The following GRIP2 variants were observed in gnomAD, a reference collection of about 807,000 sequenced individuals.
The protein encoded by GRIP2 is glutamate receptor interacting protein 2.
In GRIP2, 58 loss-of-function variants were observed where a neutral mutation model predicts 108.3. The observed-to-expected ratio is 0.54, with a 90% confidence interval of 0.43 to 0.67. The LOEUF (loss-of-function observed/expected upper bound fraction) is 0.67. Ranked by LOEUF, GRIP2 falls within the 30% of genes least tolerant of loss-of-function variation. The pLI is 0.00. For synonymous variants in GRIP2, 586 were observed against 598.2 expected, an observed-to-expected ratio of 0.98 and a Z score of 0.30; for missense variants, 1,278 against 1,430.6, an observed-to-expected ratio of 0.89 and a Z score of 1.72.
chr3:14,495,457 A>G (rs1693567857), intron 22 of GRIP2, among the ~76,000 whole-genome samples: 1 of 152,048 alleles, frequency 6.6e-6, no homozygotes, highest in Non-Finnish European at 1.5e-5. Flanking sequence ...CCCAGGCTGG[A>G]GTGCAACGGC....
chr3:14,574,857 T>A, the GRIP2 span: 1 of 309,944 alleles, frequency 3.2e-6, no homozygotes. Context: ...CGGATGAATA[T>A]CAAAAACATC....
chr3:14,496,790 C>T (rs1425166108), intron 21 of GRIP2, among the ~76,000 whole-genome samples: 1 of 152,202 alleles, frequency 6.6e-6, no homozygotes, highest in Non-Finnish European at 1.5e-5. Context: ...TCGTGCCGAC[C>T]CAGGGCTAAG....
chr3:14,536,379 A>G (rs1694833761), intron 1 of GRIP2, among the ~76,000 whole-genome samples: 3 of 152,088 alleles, frequency 2.0e-5, no homozygotes, highest in Admixed American at 1.3e-4. Context: ...CTGACCTCAC[A>G]ACAGACCATG....
At chr3:14,499,865 G>A (rs1423644742) in intron 21 of GRIP2, among the ~76,000 whole-genome samples, 1 of 152,136 alleles carries the variant, frequency 6.6e-6, no homozygotes, top group South Asian at 2.1e-4. Context: ...ATACACTAAC[G>A]TTAACAATAG....
Position 14,520,286 on chromosome 3 carries a change from A to C in GRIP2, c.861-7T>G, listed in dbSNP as rs1694368265. The C allele has an allele frequency of 1.2e-6, 2 of 1,612,752 alleles. No individual in the cohort carries two copies. The highest frequency in any genetic ancestry group is 1.7e-6 in the Non-Finnish European group (2 of 1,179,024). ...AGGGTGCAGGGCTCCGCTCCTGGCCAGGCAGGGGAGTGAAGGCGGAGGCTG... is the reference window on the plus strand; with the variant it reads ...AGGGTGCAGGGCTCCGCTCCTGGCCCGGCAGGGGAGTGAAGGCGGAGGCTG... On this transcript the variant is annotated splice_polypyrimidine_tract_variant and splice_region_variant and intron_variant, in intron 8 of 23. Transcript: ENST00000621039.
At chr3:14,573,390 TG>T in the GRIP2 span, 1 of 1,322,836 alleles carries the variant, frequency 7.6e-7, no homozygotes, top group Admixed American at 1.7e-5. Flanking sequence ...GATGGTCATC[TG>T]GAAGCAGATG....
chr3:14,602,385 T>A, the GRIP2 span: 2 of 151,662 alleles, frequency 1.3e-5, no homozygotes, highest in African/African-American at 2.4e-5. The surrounding 1 kb of genome is among the most constrained non-coding windows in gnomAD (Gnocchi z 4.7). Context: ...CAACTTTGAG[T>A]AACCGCGGAC....
the GRIP2 span, among the ~76,000 whole-genome samples, chr3:14,580,236 A>G: frequency 7.2e-5 from 11 of 152,126 alleles, no homozygotes; most frequent in Non-Finnish European, 1.6e-4. Context: ...GTGGCCCCAG[A>G]AGGTTCTCCT....
intron 10 of GRIP2, 75 bp from the exon 11 acceptor site, chr3:14,517,288 G>A: frequency 7.0e-7 from 1 of 1,429,132 alleles, no homozygotes; most frequent in Non-Finnish European, 9.3e-7. Context: ...GTGCTGGGAA[G>A]CCACCCAACC....
At chr3:14,539,585 G>A (rs1694912025) in intron 1 of GRIP2, among the ~76,000 whole-genome samples, 1 of 152,224 alleles carries the variant, frequency 6.6e-6, no homozygotes, top group African/African-American at 2.4e-5. Context: ...CCCCAGGGCA[G>A]TGAATGCAGT....
chr3:14,501,971 C>T (rs1009860464), intron 21 of GRIP2, among the ~76,000 whole-genome samples: 7 of 151,490 alleles, frequency 4.6e-5, no homozygotes, highest in Non-Finnish European at 8.8e-5. Flanking sequence ...GAAAGATGGA[C>T]GATCAGAAGA....
At chr3:14,590,665 G>A in the GRIP2 span, among the ~76,000 whole-genome samples, 1 of 152,190 alleles carries the variant, frequency 6.6e-6, no homozygotes, top group Non-Finnish European at 1.5e-5. Context: ...TTCTGAAGAT[G>A]TCACTCTTGC....
At chr3:14,571,961 G>A in the GRIP2 span, among the ~76,000 whole-genome samples, 2 of 152,220 alleles carry the variant, frequency 1.3e-5, no homozygotes, top group Non-Finnish European at 2.9e-5. Context: ...TGGTGGTGAT[G>A]TAAAGTGGTA....
At chr3:14,515,828 G>A (rs924678629) in intron 11 of GRIP2, among the ~76,000 whole-genome samples, 2 of 151,658 alleles carry the variant, frequency 1.3e-5, no homozygotes, top group African/African-American at 2.4e-5. Flanking sequence ...ATGGAGTTTC[G>A]CCATGTTGGT....
rs1162280083 is a variant in GRIP2, at chr3:14,534,467, T to A, written c.40+5802A>T. Among the ~76,000 whole-genome samples, 6 of 152,288 alleles carry A rather than the reference T, an allele frequency of 3.9e-5. No homozygotes were observed. The East Asian group carries it at 9.7e-4, about 24-fold the overall frequency. On this transcript the variant is annotated intron_variant, in intron 1 of 23. Transcript: ENST00000621039. ...TAGAGATGAAGGCTTTTCAAAAACA[T>A]CTTTCCCACCAATTTTCAGCTGGAA...
chr3:14,575,579 A>T, the GRIP2 span, among the ~76,000 whole-genome samples: 15 of 152,206 alleles, frequency 9.9e-5, no homozygotes, highest in Non-Finnish European at 2.1e-4. Flanking sequence ...TATTCGCTTT[A>T]ATAGGCACAT....
intron 21 of GRIP2, 76 bp from the exon 22 acceptor site, chr3:14,496,636 C>T (rs961203726): frequency 2.6e-6 from 4 of 1,518,484 alleles, no homozygotes; most frequent in Non-Finnish European, 3.5e-6. Flanking sequence ...CTGACAACTA[C>T]TATGTGCCAG....
intron 3 of GRIP2, among the ~76,000 whole-genome samples, chr3:14,525,027 G>A (rs940125405): frequency 1.3e-5 from 2 of 152,214 alleles, no homozygotes; most frequent in South Asian, 2.1e-4. Flanking sequence ...GGGGCTTCAG[G>A]AACAGAGCAG....
chr3:14,506,483 T>C (rs1334696826), intron 19 of GRIP2, among the ~76,000 whole-genome samples: 1 of 152,150 alleles, frequency 6.6e-6, no homozygotes, highest in Non-Finnish European at 1.5e-5. Context: ...GTGCCAGACA[T>C]TGGGCTAGGA....
Sources: gnomAD v4.1 joint callset for allele counts (sites outside exome capture counted in the v4.1 genomes callset) on GRCh38, gnomAD v4.1.1 for gene constraint, Gnocchi (gnomAD v3.1) non-coding constraint, MANE v1.5 for transcripts, NCBI Gene and HGNC (gene_info 2026-07-23, HGNC 2026-07-21) for gene names.